RALGAPA2: variants seen among roughly 807,000 people sequenced by gnomAD.
The protein encoded by RALGAPA2 is Ral GTPase activating protein catalytic subunit alpha 2, also known as ral GTPase-activating protein subunit alpha-2.
In RALGAPA2, 139 loss-of-function variants were observed where a neutral mutation model predicts 230.4. That is an observed-to-expected ratio of 0.60 (90% CI 0.53 to 0.69). RALGAPA2 has a LOEUF of 0.69. Among genes scored for constraint, RALGAPA2 ranks in the 30% least tolerant of loss-of-function variants. The pLI, the probability that RALGAPA2 is intolerant of heterozygous loss-of-function variation, is 0.00. For synonymous variants in RALGAPA2, 847 were observed against 837.8 expected (o/e 1.01, Z -0.19); for missense variants, 2,163 against 2,276.0 (o/e 0.95, Z 1.01).
chr20:20,561,253 C>T (rs560418425), intron 23 of RALGAPA2, among the ~76,000 whole-genome samples: 1 of 152,356 alleles, frequency 6.6e-6, no homozygotes, highest in East Asian at 1.9e-4. Context: ...AACAGTCTCT[C>T]TCACACAGCA....
intron 1 of RALGAPA2, among the ~76,000 whole-genome samples, chr20:20,689,741 T>C (rs1371740597): frequency 6.6e-6 from 1 of 152,222 alleles, no homozygotes; most frequent in East Asian, 1.9e-4. Context: ...AAAAAGACTC[T>C]TAATACAATT....
At chr20:20,441,875 T>C (rs937542799) in intron 37 of RALGAPA2, among the ~76,000 whole-genome samples, 3 of 152,196 alleles carry the variant, frequency 2.0e-5, no homozygotes, top group East Asian at 3.8e-4. Context: ...ATACATTATT[T>C]ATCACAAATA....
intron 1 of RALGAPA2, among the ~76,000 whole-genome samples, chr20:20,710,973 G>GT (rs1352732945): frequency 2.0e-5 from 3 of 152,182 alleles, no homozygotes; most frequent in African/African-American, 7.2e-5. Context: ...TGTGCAACCT[G>GT]TGCGTGCATG....
At chr20:20,613,104 T>C (rs1356874369) in intron 13 of RALGAPA2, among the ~76,000 whole-genome samples, 2 of 152,242 alleles carry the variant, frequency 1.3e-5, no homozygotes, top group Non-Finnish European at 2.9e-5. Flanking sequence ...AAACAAGGGT[T>C]GAAAAACTAT....
At chr20:20,582,956 C>T in intron 20 of RALGAPA2, 94 bp downstream of exon 20, 1 of 1,349,178 alleles carries the variant, frequency 7.4e-7, no homozygotes, top group Non-Finnish European at 1.0e-6. Context: ...CCTCCTACAA[C>T]TGTTTCAGAA....
At chr20:20,540,488 GTC>G (rs1324122722) in intron 24 of RALGAPA2, among the ~76,000 whole-genome samples, 1 of 152,166 alleles carries the variant, frequency 6.6e-6, no homozygotes, top group East Asian at 1.9e-4. Context: ...AGGCACTCAT[GTC>G]TCTTTTACTG....
At position 20,520,903 on chromosome 20, in the gene RALGAPA2, G is replaced by C. The variant is rs368790279; in HGVS notation, c.4084+14C>G. 3 of 1,559,308 alleles carry C rather than the reference G, an allele frequency of 1.9e-6. No individual in the cohort carries two copies. In the African/African-American group the frequency reaches 4.1e-5, roughly 21 times the overall value. ...TTCCTTCCCACAAGATTTCATACCTGAAAGAATACTCACCCTCTTCAACAG... is the reference window on the plus strand; with the variant it reads ...TTCCTTCCCACAAGATTTCATACCTCAAAGAATACTCACCCTCTTCAACAG... On this transcript the variant is annotated intron_variant, in intron 31 of 39. Coordinates refer to ENST00000202677, the MANE Select transcript of RALGAPA2 (RefSeq NM_020343.4).
chr20:20,465,155 A>T (rs1010820615), intron 37 of RALGAPA2, among the ~76,000 whole-genome samples: 11 of 134,636 alleles, frequency 8.2e-5, no homozygotes, highest in Middle Eastern at 6.6e-3. Context: ...GCCTTCACAC[A>T]CACACACACA....
intron 19 of RALGAPA2, 86 bp from the exon 20 acceptor site, chr20:20,583,312 C>T: frequency 7.4e-7 from 1 of 1,348,008 alleles, no homozygotes; most frequent in Non-Finnish European, 1.0e-6. Flanking sequence ...AGTAACTAAA[C>T]AAACAGCAGA....
chr20:20,572,213 A>G (rs1181623927), intron 21 of RALGAPA2, among the ~76,000 whole-genome samples: 2 of 152,176 alleles, frequency 1.3e-5, no homozygotes, highest in Non-Finnish European at 2.9e-5. Flanking sequence ...ATTCCAAACG[A>G]TAAGTAACAT....
rs1555833909 is a variant in RALGAPA2 at position 20,712,603 on chromosome 20, T to TGCCGCCGCTGCCGCCGCCGCCGCC, written c.-124_-123insGGCGGCGGCGGCGGCAGCGGCGGC. ...CACTCGCCGCCCCCAGCCCCGCTGCTGCCGCCGCCGCCGCCGCCGCCGCCG... is the reference window on the plus strand; with the variant it reads ...CACTCGCCGCCCCCAGCCCCGCTGCTGCCGCCGCTGCCGCCGCCGCCGCCGCCGCCGCCGCCGCCGCCGCCGCCG... On this transcript the variant is annotated 5_prime_UTR_variant, in exon 1 of 40. Coordinates refer to ENST00000202677, the MANE Select transcript of RALGAPA2 (RefSeq NM_020343.4). This position sits in a 1 kb window ranked among gnomAD's most constrained non-coding sequence, Gnocchi z 5.5. The TGCCGCCGCTGCCGCCGCCGCCGCC allele has an allele frequency of 3.4e-6, 4 of 1,179,262 alleles. No homozygotes were observed. In the African/African-American group the frequency reaches 6.5e-5, roughly 19 times the overall value. 73.0% of individuals were successfully genotyped at this position (1,179,262 alleles called of 1,614,324 possible).
At position 20,512,736 on chromosome 20, in the gene RALGAPA2, G is replaced by C. The variant is rs769475486; in HGVS notation, c.4633C>G (p.Pro1545Ala). The C allele has an allele frequency of 5.0e-6, 8 of 1,613,718 alleles. No individual in the cohort carries two copies. Among genetic ancestry groups the C allele is most frequent in the African/African-American group, 4.0e-5 (3 of 74,918 alleles). Reference protein sequence around the residue: ...LLPSQLNLNEPSLTPCGMNYD... With the variant: ...LLPSQLNLNEASLTPCGMNYD... Reference sequence around the variant, plus strand: ...TTCATGCCACATGGGGTTAGGGAAGGTTCATTTAGATTTAGCTGTGACGGT... The same window carrying C: ...TTCATGCCACATGGGGTTAGGGAAGCTTCATTTAGATTTAGCTGTGACGGT... Residue 1545 changes from proline (P) to alanine (A), a missense_variant, in exon 32 of 40, where the codon CCT becomes GCT. Pro to Ala is a conservative substitution (Grantham distance 27). Coordinates refer to ENST00000202677, the MANE Select transcript of RALGAPA2 (RefSeq NM_020343.4).
At chr20:20,589,695 G>C (rs1012990388) in intron 17 of RALGAPA2, among the ~76,000 whole-genome samples, 1 of 152,120 alleles carries the variant, frequency 6.6e-6, no homozygotes, top group African/African-American at 2.4e-5. Context: ...AAAAGTGCCT[G>C]TGTTGGCCAG....
At chr20:20,589,504 A>G (rs1050242149) in intron 17 of RALGAPA2, 139 bp from the exon 18 acceptor site, 2 of 893,908 alleles carry the variant, frequency 2.2e-6, no homozygotes, top group Non-Finnish European at 3.3e-6. Context: ...TGGGCCTGGC[A>G]AAACAGCAGC....
intron 36 of RALGAPA2, among the ~76,000 whole-genome samples, chr20:20,473,473 T>C (rs2061582820): frequency 6.6e-6 from 1 of 152,104 alleles, no homozygotes; most frequent in South Asian, 2.1e-4. Context: ...AGATACTGCA[T>C]TACCTTCATT....
intron 23 of RALGAPA2, among the ~76,000 whole-genome samples, chr20:20,568,466 A>G (rs79187190): frequency 1.2e-3 from 182 of 152,328 alleles, no homozygotes; most frequent in African/African-American, 4.1e-3. Context: ...ACAAATGGTC[A>G]TGTCTGTTTA....
At chr20:20,636,246 T>C (rs1458606382) in intron 8 of RALGAPA2, among the ~76,000 whole-genome samples, 1 of 152,202 alleles carries the variant, frequency 6.6e-6, no homozygotes, top group Non-Finnish European at 1.5e-5. Flanking sequence ...ATGAAAATTA[T>C]ATGGTATTGG....
At chr20:20,399,515 C>T (rs1005439391) in intron 38 of RALGAPA2, among the ~76,000 whole-genome samples, 2 of 152,164 alleles carry the variant, frequency 1.3e-5, no homozygotes, top group African/African-American at 4.8e-5. Flanking sequence ...AACTCAGACA[C>T]CAAAAGGCCA....
intron 23 of RALGAPA2, among the ~76,000 whole-genome samples, chr20:20,557,887 C>T (rs1028381281): frequency 2.1e-4 from 32 of 152,180 alleles, no homozygotes; most frequent in Non-Finnish European, 2.9e-5. Context: ...TAAAAACAAA[C>T]CCAAGCATCG....
Sources: allele counts gnomAD v4.1 joint callset (sites outside exome capture counted in the v4.1 genomes callset), GRCh38; gene constraint gnomAD v4.1.1; non-coding constraint Gnocchi (gnomAD v3.1); transcripts MANE v1.5; gene names NCBI Gene and HGNC (gene_info 2026-07-23, HGNC 2026-07-21).